The following ALG8 variants were observed in gnomAD, a reference collection of about 807,000 sequenced individuals.
ALG8 encodes the protein ALG8 alpha-1,3-glucosyltransferase.
A neutral mutation model predicts 70.2 loss-of-function variants in ALG8; 48 were observed. That is an observed-to-expected ratio of 0.68 (90% CI 0.54 to 0.87). The LOEUF (loss-of-function observed/expected upper bound fraction) is 0.87, where lower values mean the gene tolerates loss of function less well. Among genes scored for constraint, ALG8 ranks in the 40% least tolerant of loss-of-function variants. The pLI is 0.00. For missense variants in ALG8, 572 were observed against 608.7 expected, an observed-to-expected ratio of 0.94 and a Z score of 0.64; for synonymous variants, 234 against 229.0, an observed-to-expected ratio of 1.02 and a Z score of -0.20.
rs773719730 is a variant in ALG8 at position 78,127,386 on chromosome 11, CTG to C, written c.144_145del (p.His48GlnfsTer10). Reference sequence around the variant, plus strand: ...ATAATACCACTGTGATATTGGCAAACTGTGAGTGATAGCAAGCCAGTTTCGGT... The same window carrying C: ...ATAATACCACTGTGATATTGGCAAACTGAGTGATAGCAAGCCAGTTTCGGT... On this transcript the variant is annotated frameshift_variant, in exon 2 of 13. Coordinates refer to ENST00000299626, the MANE Select transcript of ALG8 (RefSeq NM_024079.5). LOFTEE classifies it high-confidence loss of function. 3.7e-6 allele frequency: 6 copies of C among 1,613,402 alleles called. No homozygotes were observed. The East Asian group carries it at 6.7e-5, about 18-fold the overall frequency.
At chr11:78,120,262 G>C (rs924912156) in intron 4 of ALG8, among the ~76,000 whole-genome samples, 3 of 151,998 alleles carry the variant, frequency 2.0e-5, no homozygotes, top group African/African-American at 7.3e-5. Flanking sequence ...TAAAGGCCCC[G>C]CAGCTCAGGG....
rs568914862 is a variant in ALG8, at chr11:78,131,572, T to C, written c.96-4136A>G. Among the ~76,000 whole-genome samples the C allele has an allele frequency of 5.2e-4, 79 of 152,334 alleles. 1 individual carries two copies. The South Asian group carries it at 0.016, about 30-fold the overall frequency. ...GAGCTATGACTGTGCCACTGTAATCTAGCCTGAGCAACAGAGTTAGACTCT... is the reference window on the plus strand; with the variant it reads ...GAGCTATGACTGTGCCACTGTAATCCAGCCTGAGCAACAGAGTTAGACTCT... On this transcript the variant is annotated intron_variant, in intron 1 of 12. Transcript: ENST00000299626.
intron 5 of ALG8, among the ~76,000 whole-genome samples, chr11:78,115,993 C>T (rs974224948): frequency 1.3e-5 from 2 of 152,178 alleles, no homozygotes; most frequent in East Asian, 3.8e-4. Context: ...ATAGCACTAT[C>T]AGGCTGAAGG....
intron 12 of ALG8, among the ~76,000 whole-genome samples, chr11:78,101,554 G>A (rs567218866): frequency 6.6e-6 from 1 of 152,196 alleles, no homozygotes; most frequent in South Asian, 2.1e-4. Context: ...GCTTTAACTG[G>A]GTTGCAGTGA....
chr11:78,136,685 A>G (rs1441359375), intron 1 of ALG8, among the ~76,000 whole-genome samples: 2 of 152,184 alleles, frequency 1.3e-5, no homozygotes, highest in Non-Finnish European at 2.9e-5. Flanking sequence ...CTTAAGGGCC[A>G]TTGGATTTTT....
At chr11:78,132,930 G>C (rs957429845) in intron 1 of ALG8, among the ~76,000 whole-genome samples, 3 of 150,156 alleles carry the variant, frequency 2.0e-5, no homozygotes, top group African/African-American at 7.4e-5. Flanking sequence ...TCCGCCTTCC[G>C]GGTTCATGCC....
intron 2 of ALG8, among the ~76,000 whole-genome samples, chr11:78,126,674 A>G (rs563295697): frequency 8.5e-5 from 13 of 152,234 alleles, no homozygotes; most frequent in Non-Finnish European, 1.8e-4. Flanking sequence ...ACAAAACATT[A>G]GGAACAGACA....
chr11:78,132,744 T>A (rs576149173), intron 1 of ALG8, among the ~76,000 whole-genome samples: 1 of 152,118 alleles, frequency 6.6e-6, no homozygotes, highest in Non-Finnish European at 1.5e-5. Flanking sequence ...CCTCCAATGA[T>A]GTCAGTTCCT....
At chr11:78,131,020 G>A (rs1286378239) in intron 1 of ALG8, among the ~76,000 whole-genome samples, 1 of 151,700 alleles carries the variant, frequency 6.6e-6, no homozygotes, top group Non-Finnish European at 1.5e-5. Context: ...ACTCTCTTTG[G>A]AGACAGCATT....
chr11:78,106,940 T>C lies in ALG8; in HGVS notation c.1045A>G (p.Ile349Val), dbSNP rs1168865737. 2 of 1,613,590 alleles carry C rather than the reference T, an allele frequency of 1.2e-6. No homozygotes were observed. Among genetic ancestry groups the C allele is most frequent in the East Asian group, 2.2e-5 (1 of 44,852 alleles). The change falls in exon 10 of 13, where the codon ATT (isoleucine) becomes GTT (valine). Residue 349 changes from isoleucine to valine, a missense_variant. Ile to Val is a conservative substitution (Grantham distance 29). Coordinates refer to ENST00000299626, the MANE Select transcript of ALG8 (RefSeq NM_024079.5). Reference protein sequence around the residue: ...ICTLIAILPSIFCLWFKPQGP... With the variant: ...ICTLIAILPSVFCLWFKPQGP... ...TGGGGTTTAAACCAAAGACAGAAAATAGAGGGCTAGAAACAACAGGCAAAG... is the reference window on the plus strand; with the variant it reads ...TGGGGTTTAAACCAAAGACAGAAAACAGAGGGCTAGAAACAACAGGCAAAG...
intron 2 of ALG8, among the ~76,000 whole-genome samples, chr11:78,125,495 G>C (rs1309557512): frequency 6.6e-6 from 1 of 151,638 alleles, no homozygotes; most frequent in Non-Finnish European, 1.5e-5. Context: ...GCCGGGCATA[G>C]TGGCTCACAC....
chr11:78,104,189 C>A, intron 11 of ALG8, 137 bp from the exon 12 acceptor site: 1 of 909,202 alleles, frequency 1.1e-6, no homozygotes. Context: ...ATTTTTGTGA[C>A]ATCTAGAGAT....
At position 78,112,736 on chromosome 11, in the gene ALG8, G is replaced by A. The variant is rs757084625; in HGVS notation, c.812C>T (p.Pro271Leu). 6 of 1,613,824 alleles carry A rather than the reference G, an allele frequency of 3.7e-6. No individual in the cohort carries two copies. Among genetic ancestry groups the A allele is most frequent in the African/African-American group, 1.3e-5 (1 of 74,918 alleles). The change falls in exon 8 of 13, where the codon CCT becomes CTT. Residue 271 changes from proline to leucine, a missense_variant. Transcript: ENST00000299626. Reference sequence around the variant, plus strand: ...TGCATGACAGAGGCCCCTCTTGAAAGGAAAGAGTCGGGAAAAGACTTGAGG... The same window carrying A: ...TGCATGACAGAGGCCCCTCTTGAAAAGAAAGAGTCGGGAAAAGACTTGAGG... ...QLPQVFSRLF[P>L]FKRGLCHAYW... is the part of the protein sequence containing the mutation.
rs765481520 is a variant in ALG8, at chr11:78,112,701, G to A, written c.847C>T (p.Pro283Ser). ...GCATTGTACAAAGCCCAGAAGTTTG[G>A]AGCCCAATATGCATGACAGAGGCCC... ...KRGLCHAYWA[P>S]NFWALYNALD... The change falls in exon 8 of 13, where the codon CCA (proline) becomes TCA (serine). Residue 283 changes from proline (P) to serine (S), a missense_variant. Coordinates refer to ENST00000299626, the MANE Select transcript of ALG8 (RefSeq NM_024079.5). 6.2e-7 allele frequency: 1 copy of A among 1,614,080 alleles called. No individual in the cohort carries two copies. Among genetic ancestry groups the A allele is most frequent in the South Asian group, 1.1e-5 (1 of 91,062 alleles).
intron 9 of ALG8, 53 bp downstream of exon 9, chr11:78,109,388 CA>C: frequency 6.2e-7 from 1 of 1,611,134 alleles, no homozygotes. Context: ...ATCAGCCAGA[CA>C]AAAGAAAAGC....
chr11:78,129,097 A>G (rs1861197284), intron 1 of ALG8, among the ~76,000 whole-genome samples: 1 of 152,062 alleles, frequency 6.6e-6, no homozygotes, highest in African/African-American at 2.4e-5. Context: ...AATGCATAGT[A>G]TGCTCACTAA....
In ALG8 at chr11:78,139,545, G is replaced by T; in HGVS notation, c.44C>A (p.Ser15Ter). 1 of 1,563,726 alleles carries T rather than the reference G, an allele frequency of 6.4e-7. No individual in the cohort carries two copies. Among genetic ancestry groups the T allele is most frequent in the Non-Finnish European group, 8.7e-7 (1 of 1,153,598 alleles). ...AAGAGTCACCCCGAGCGCCAAAGCCGAAAACCAATTGCCAGTACCCGTGGC... is the reference window on the plus strand; with the variant it reads ...AAGAGTCACCCCGAGCGCCAAAGCCTAAAACCAATTGCCAGTACCCGTGGC... The part of the protein sequence containing the change: ...TIATGTGNWF[S>*]ALALGVTLLK... Residue 15 changes from serine (S) to a stop codon, truncating the protein, a stop_gained, in exon 1 of 13, where the codon TCG becomes TAG. Transcript: ENST00000299626. LOFTEE classifies it high-confidence loss of function.
In ALG8 at chr11:78,127,393, T is replaced by A. The variant is rs121908293; in HGVS notation, c.139A>T (p.Thr47Ser). The A allele has an allele frequency of 1.6e-5, 26 of 1,613,600 alleles. No individual in the cohort carries two copies. The highest frequency in any genetic ancestry group is 2.1e-5 in the Non-Finnish European group (25 of 1,179,922). Residue 47 changes from threonine to serine, a missense_variant, in exon 2 of 13, where the codon ACT (threonine) becomes TCT (serine). Thr to Ser is a moderately conservative substitution (Grantham distance 58). Transcript: ENST00000299626. ...CACTGTGATATTGGCAAACTGTGAG[T>A]GATAGCAAGCCAGTTTCGGTGTACT... Reference protein sequence around the residue: ...FEVHRNWLAITHSLPISQWYY... With the variant: ...FEVHRNWLAISHSLPISQWYY...
chr11:78,121,103 ACCGAC>A lies in ALG8; in HGVS notation c.435_439del (p.Ser146IlefsTer76). 1 of 1,613,970 alleles carries A rather than the reference ACCGAC, an allele frequency of 6.2e-7. No homozygotes were observed. On this transcript the variant is annotated frameshift_variant, in exon 4 of 13. Coordinates refer to ENST00000299626, the MANE Select transcript of ALG8 (RefSeq NM_024079.5). LOFTEE classifies it high-confidence loss of function. Reference sequence around the variant, plus strand: ...TAACCCGAAGTTCCACAGAAGTAATACCGACAGAATAAATTTTGGCTTTTCTGTAA... The same window carrying A: ...TAACCCGAAGTTCCACAGAAGTAATAAGAATAAATTTTGGCTTTTCTGTAA...
Sources: allele counts gnomAD v4.1 joint callset (sites outside exome capture counted in the v4.1 genomes callset), GRCh38; gene constraint gnomAD v4.1.1; transcripts MANE v1.5; gene names NCBI Gene and HGNC (gene_info 2026-07-23, HGNC 2026-07-21).